The following APOO variants were observed in gnomAD, a reference collection of about 807,000 sequenced individuals.
APOO encodes the protein MICOS complex subunit MIC26.
A neutral mutation model predicts 23.1 loss-of-function variants in APOO; 11 were observed. That is an observed-to-expected ratio of 0.48 (90% CI 0.30 to 0.79). APOO has a LOEUF of 0.79. Ranked by LOEUF, APOO falls within the 30% of genes least tolerant of loss-of-function variation. The probability of loss-of-function intolerance (pLI) is 0.07; values close to 1 mark genes in which losing one functional copy is unlikely to be tolerated. For missense variants in APOO, 160 were observed against 142.7 expected, an observed-to-expected ratio of 1.12 and a Z score of -0.62; for synonymous variants, 59 against 54.8, an observed-to-expected ratio of 1.08 and a Z score of -0.34.
At chrX:23,905,867 T>C (rs1927331511) in intron 1 of APOO, among the ~76,000 whole-genome samples, 4 of 112,607 alleles carry the variant, frequency 3.6e-5, no homozygotes, top group African/African-American at 1.3e-4. Flanking sequence ...ACAACTGTAA[T>C]GTAATATGAA....
At chrX:23,876,809 A>C (rs1925878774) in intron 3 of APOO, among the ~76,000 whole-genome samples, 1 of 112,245 alleles carries the variant, frequency 8.9e-6, no homozygotes, top group Non-Finnish European at 1.9e-5. Flanking sequence ...AAAAAAGAAA[A>C]ACAAAGAACA....
In APOO at chrX:23,880,853, C is replaced by A. The variant is rs753855299; in HGVS notation, c.109G>T (p.Val37Phe). 8.5e-7 allele frequency: 1 copy of A among 1,179,823 alleles called. No homozygotes were observed. The highest frequency in any genetic ancestry group is 2.4e-5 in the Admixed American group (1 of 41,152). Reference protein sequence around the residue: ...KDSPPKNSVKVDELSLYSVPE... With the variant: ...KDSPPKNSVKFDELSLYSVPE... ...CATGAACAACATGTTACCTCATCAA[C>A]CTTCACGGAATTTTTGGGAGGTGAG... is the stretch of plus-strand genomic sequence containing the variant. The change falls in exon 2 of 9, where the codon GTT (valine) becomes TTT (phenylalanine). Residue 37 changes from valine to phenylalanine, a missense_variant. By Grantham distance (50) the Val-to-Phe change is conservative (BLOSUM62 -1). Coordinates refer to ENST00000379226, the MANE Select transcript of APOO (RefSeq NM_024122.5).
chrX:23,906,301 G>C (rs1286821808), intron 1 of APOO, among the ~76,000 whole-genome samples: 1 of 112,774 alleles, frequency 8.9e-6, no homozygotes, highest in African/African-American at 3.2e-5. Context: ...ATAGATAACT[G>C]AGACATTACC....
At chrX:23,877,944 A>C (rs967951166) in intron 3 of APOO, among the ~76,000 whole-genome samples, 1 of 112,143 alleles carries the variant, frequency 8.9e-6, no homozygotes, top group Non-Finnish European at 1.9e-5. Flanking sequence ...TATAGATTGT[A>C]AACGTTGGTT....
intron 8 of APOO, among the ~76,000 whole-genome samples, chrX:23,839,285 A>C (rs902029454): frequency 8.9e-6 from 1 of 112,325 alleles, no homozygotes; most frequent in Non-Finnish European, 1.9e-5. Flanking sequence ...AACAGCTTCC[A>C]AAAACTCAGA....
intron 5 of APOO, among the ~76,000 whole-genome samples, chrX:23,861,463 C>G (rs148989331): frequency 8.1e-4 from 87 of 107,592 alleles, no homozygotes; most frequent in African/African-American, 2.7e-3. Flanking sequence ...GAACTGTGAG[C>G]CAACTAAACC....
intron 1 of APOO, among the ~76,000 whole-genome samples, chrX:23,902,313 T>C (rs1433087990): frequency 9.0e-6 from 1 of 111,295 alleles, no homozygotes; most frequent in East Asian, 2.8e-4. Context: ...AAACTAGCAG[T>C]TCCTGGACGC....
chrX:23,868,193 T>G (rs1030441602), intron 5 of APOO, among the ~76,000 whole-genome samples: 4 of 112,295 alleles, frequency 3.6e-5, no homozygotes, highest in Non-Finnish European at 5.6e-5. Context: ...CATCACTGAC[T>G]GAAGGCATGA....
chrX:23,894,238 G>T (rs1045045547), intron 1 of APOO, among the ~76,000 whole-genome samples: 2 of 108,738 alleles, frequency 1.8e-5, no homozygotes, highest in Non-Finnish European at 3.8e-5. Context: ...TCCGCCTCCC[G>T]GGTTTAAGCG....
At chrX:23,859,639 C>T (rs1024754857) in intron 5 of APOO, among the ~76,000 whole-genome samples, 1 of 111,185 alleles carries the variant, frequency 9.0e-6, no homozygotes, top group Non-Finnish European at 1.9e-5. Context: ...CATGGGGTTT[C>T]GCCATGCTGG....
chrX:23,905,992 C>A (rs932876593), intron 1 of APOO, among the ~76,000 whole-genome samples: 2 of 112,612 alleles, frequency 1.8e-5, no homozygotes, highest in Non-Finnish European at 3.8e-5. Flanking sequence ...GCGAAGTGCA[C>A]CAACTCATAT....
intron 1 of APOO, among the ~76,000 whole-genome samples, chrX:23,900,129 A>C (rs764616003): frequency 8.9e-6 from 1 of 112,586 alleles, no homozygotes; most frequent in African/African-American, 3.2e-5. Flanking sequence ...CCAAATGAGA[A>C]GTGAAATAAC....
At chrX:23,868,299 TG>T (rs1477629562) in intron 5 of APOO, among the ~76,000 whole-genome samples, 1 of 112,334 alleles carries the variant, frequency 8.9e-6, no homozygotes, top group African/African-American at 3.2e-5. Context: ...TAGAAACAGT[TG>T]ATTTCTCAGG....
At chrX:23,886,046 G>A (rs745899150) in intron 1 of APOO, among the ~76,000 whole-genome samples, 1 of 111,313 alleles carries the variant, frequency 9.0e-6, no homozygotes, top group Non-Finnish European at 1.9e-5. Context: ...CCTGTGCACT[G>A]CAGGAAGTTT....
At chrX:23,889,855 G>A (rs1437054220) in intron 1 of APOO, among the ~76,000 whole-genome samples, 1 of 109,306 alleles carries the variant, frequency 9.1e-6, no homozygotes, top group African/African-American at 3.3e-5. Context: ...TAGAGACGGG[G>A]TTTCACTGTG....
intron 1 of APOO, among the ~76,000 whole-genome samples, chrX:23,905,409 CAAT>C (rs996659160): frequency 9.2e-6 from 1 of 108,814 alleles, no homozygotes; most frequent in African/African-American, 3.3e-5. Flanking sequence ...ATAATGATAA[CAAT>C]AATAATAATA....
chrX:23,837,601 A>G (rs1923756929), intron 8 of APOO, among the ~76,000 whole-genome samples: 1 of 109,305 alleles, frequency 9.1e-6, no homozygotes, highest in Non-Finnish European at 1.9e-5. Context: ...ATGCATGAAT[A>G]TATTATAAAT....
intron 1 of APOO, among the ~76,000 whole-genome samples, chrX:23,882,230 TAAC>T (rs1926179159): frequency 8.9e-6 from 1 of 112,405 alleles, no homozygotes; most frequent in African/African-American, 3.2e-5. Context: ...CCAGTTAAAG[TAAC>T]AACCACCCTT....
rs1372894721 is a variant in APOO, at chrX:23,840,414, A to T, written c.562-37T>A. ...AAAGAAAGAGCTTGAATGCAGTTTG[A>T]AAAGAAATAGTGCAACTCCTTAGTG... On this transcript the variant is annotated intron_variant, in intron 7 of 8. Coordinates refer to ENST00000379226, the MANE Select transcript of APOO (RefSeq NM_024122.5). The T allele has an allele frequency of 2.6e-6, 3 of 1,149,572 alleles. No individual in the cohort carries two copies. The East Asian group carries it at 9.2e-5, about 35-fold the overall frequency. The allele number at this position is 1,149,572 out of a possible 1,213,427, so 94.7% of individuals were successfully genotyped here. A position where few individuals can be genotyped will look rare whatever the true frequency, so the allele number is the denominator to read the frequency against.
Sources: gnomAD v4.1 joint callset for allele counts (sites outside exome capture counted in the v4.1 genomes callset) on GRCh38, gnomAD v4.1.1 for gene constraint, MANE v1.5 for transcripts, NCBI Gene and HGNC (gene_info 2026-07-23, HGNC 2026-07-21) for gene names.